The following SLC7A8 variants were observed in gnomAD, a reference collection of about 807,000 sequenced individuals.
SLC7A8 encodes solute carrier family 7 member 8, also known as large neutral amino acids transporter small subunit 2.
Under a neutral mutation model 51.2 loss-of-function variants are expected in SLC7A8, and 30 were observed. That is an observed-to-expected ratio of 0.59 (90% CI 0.44 to 0.80). The LOEUF (loss-of-function observed/expected upper bound fraction) is 0.80. SLC7A8 is among the 30% of genes least tolerant of loss of function. The pLI, the probability that SLC7A8 is intolerant of heterozygous loss-of-function variation, is 0.00. For synonymous variants in SLC7A8, 257 were observed against 275.8 expected, an observed-to-expected ratio of 0.93 and a Z score of 0.67; for missense variants, 612 against 674.4, an observed-to-expected ratio of 0.91 and a Z score of 1.03.
chr14:23,167,460 G>A (rs751637319), intron 1 of SLC7A8, among the ~76,000 whole-genome samples: 53 of 152,034 alleles, frequency 3.5e-4, no homozygotes, highest in African/African-American at 1.1e-3. Context: ...TACTTAATCC[G>A]GCAATCTTTC....
At chr14:23,182,255 G>C (rs1476742579) in intron 1 of SLC7A8, among the ~76,000 whole-genome samples, 1 of 152,124 alleles carries the variant, frequency 6.6e-6, no homozygotes, top group Admixed American at 6.5e-5. Context: ...TGCTGCATAA[G>C]GTGGAAAACG....
rs192799887 is a variant in SLC7A8, at chr14:23,126,547, G to C, written c.*630C>G. The C allele has an allele frequency of 6.7e-4, 103 of 153,184 alleles. No individual in the cohort carries two copies. Among genetic ancestry groups the C allele is most frequent in the Middle Eastern group, 3.3e-3 (1 of 300 alleles). 9.5% of individuals were successfully genotyped at this position (153,184 alleles called of 1,614,324 possible). ...ATATGTTCCTCAACCGCCTGGCTTGGGGGTGGAGAGGCTGTTCTTCTCCTT... is the reference window on the plus strand; with the variant it reads ...ATATGTTCCTCAACCGCCTGGCTTGCGGGTGGAGAGGCTGTTCTTCTCCTT... On this transcript the variant is annotated 3_prime_UTR_variant, in exon 11 of 11. Coordinates refer to ENST00000316902, the MANE Select transcript of SLC7A8 (RefSeq NM_012244.4).
chr14:23,161,337 C>T (rs1231638933), intron 3 of SLC7A8, among the ~76,000 whole-genome samples: 5 of 152,036 alleles, frequency 3.3e-5, no homozygotes, highest in Non-Finnish European at 7.4e-5. Flanking sequence ...GGGCCCTGTG[C>T]CCTGTCCTCC....
At chr14:23,160,197 C>A (rs2048914061) in intron 3 of SLC7A8, among the ~76,000 whole-genome samples, 2 of 152,188 alleles carry the variant, frequency 1.3e-5, no homozygotes. Context: ...GGACCCAGTG[C>A]TTCCTCTGGA....
chr14:23,131,412 C>T (rs772150109), intron 8 of SLC7A8, 49 bp downstream of exon 8: 15 of 1,452,434 alleles, frequency 1.0e-5, no homozygotes, highest in Admixed American at 2.2e-5. Flanking sequence ...TTAGACTAGG[C>T]ACAAAGAGAG....
At chr14:23,133,318 G>A (rs911184683) in intron 7 of SLC7A8, among the ~76,000 whole-genome samples, 1 of 150,008 alleles carries the variant, frequency 6.7e-6, no homozygotes, top group African/African-American at 2.5e-5. Flanking sequence ...GCATGTGCCT[G>A]TTGTTCTAAT....
In SLC7A8 at chr14:23,182,916, C is replaced by T. The variant is rs757301285; in HGVS notation, c.-2G>A. 3.7e-6 allele frequency: 6 copies of T among 1,613,976 alleles called. No individual in the cohort carries two copies. The African/African-American group carries it at 8.0e-5, about 22-fold the overall frequency. On this transcript the variant is annotated 5_prime_UTR_variant, in exon 1 of 11. Transcript: ENST00000316902. ...TCGGTGCCTGGCTCCTTCTTCCATC[C>T]TTCTCAGTAGGATTGCAACCTCAAA...
Position 23,128,223 on chromosome 14 carries a change from G to C in SLC7A8, c.1264-27C>G. ...TGTGGAGCAGAGGCATGAGGCGTAT[G>C]AACTGTGTAGGCCACGTGGCCCCCA... On this transcript the variant is annotated intron_variant, in intron 9 of 10. Transcript: ENST00000316902. The surrounding 1 kb of genome is among the most constrained non-coding windows in gnomAD (Gnocchi z 4.3). The C allele has an allele frequency of 6.2e-7, 1 of 1,613,140 alleles. No individual in the cohort carries two copies. Among genetic ancestry groups the C allele is most frequent in the African/African-American group, 1.3e-5 (1 of 75,036 alleles).
chr14:23,144,030 CTGTT>C, intron 3 of SLC7A8, among the ~76,000 whole-genome samples: 1 of 152,292 alleles, frequency 6.6e-6, no homozygotes, highest in African/African-American at 2.4e-5. Flanking sequence ...ATAAAGGTAT[CTGTT>C]TGTTTTTCCA....
At chr14:23,154,496 C>G in intron 3 of SLC7A8, 1 of 984,132 alleles carries the variant, frequency 1.0e-6, no homozygotes, top group Non-Finnish European at 1.2e-6. Flanking sequence ...GCCGCCTCCC[C>G]CGCTTGTGGA....
intron 9 of SLC7A8, 94 bp downstream of exon 9, chr14:23,129,556 G>A (rs1397817583): frequency 2.8e-6 from 4 of 1,410,282 alleles, no homozygotes; most frequent in Admixed American, 4.0e-5. Flanking sequence ...GATGACGTGT[G>A]GTCAGCAGCT....
intron 6 of SLC7A8, 60 bp downstream of exon 6, chr14:23,139,364 A>G (rs2048720248): frequency 7.5e-6 from 12 of 1,610,668 alleles, no homozygotes; most frequent in Non-Finnish European, 1.0e-5. Flanking sequence ...GAGTGGGGCT[A>G]CAGCAGGCAA....
At chr14:23,151,320 A>G (rs898433489) in intron 3 of SLC7A8, among the ~76,000 whole-genome samples, 2 of 152,212 alleles carry the variant, frequency 1.3e-5, no homozygotes, top group African/African-American at 4.8e-5. Context: ...CATAGAAGCC[A>G]CCGTGCTGCT....
intron 10 of SLC7A8, 57 bp from the exon 11 acceptor site, chr14:23,127,400 C>A: frequency 6.3e-7 from 1 of 1,588,820 alleles, no homozygotes; most frequent in Non-Finnish European, 8.6e-7. Flanking sequence ...ACCAACCTGG[C>A]CAAGTGGCCC....
intron 1 of SLC7A8, among the ~76,000 whole-genome samples, chr14:23,173,407 ACCAGC>A (rs1443881469): frequency 3.9e-5 from 6 of 152,156 alleles, no homozygotes; most frequent in Non-Finnish European, 7.4e-5. Flanking sequence ...AGGAAAAGCA[ACCAGC>A]TGGTTGCTAA....
At position 23,165,403 on chromosome 14, in the gene SLC7A8, G is replaced by A; in HGVS notation, c.390C>T (p.Ile130=). ...FLRLWIAVLV[I]YPTNQAVIAL... is the part of the protein sequence containing the mutation. ...CGATGACAGCCTGGTTGGTGGGGTA[G>A]ATCACCAGCACAGCAATCCACAGCC... The change falls in exon 3 of 11, where the codon ATC becomes ATT. Residue 130 remains isoleucine (I), a synonymous_variant. Coordinates refer to ENST00000316902, the MANE Select transcript of SLC7A8 (RefSeq NM_012244.4). This position sits in a 1 kb window ranked among gnomAD's most constrained non-coding sequence, Gnocchi z 4.2. 1 of 1,597,204 alleles carries A rather than the reference G, an allele frequency of 6.3e-7. No individual in the cohort carries two copies. The highest frequency in any genetic ancestry group is 1.4e-5 in the African/African-American group (1 of 73,718).
At chr14:23,148,453 C>T (rs2048818008) in intron 3 of SLC7A8, among the ~76,000 whole-genome samples, 1 of 152,142 alleles carries the variant, frequency 6.6e-6, no homozygotes. Flanking sequence ...GTCTCGAATT[C>T]CTGAACTCAG....
At chr14:23,145,242 C>T (rs559642015) in intron 3 of SLC7A8, among the ~76,000 whole-genome samples, 66 of 151,136 alleles carry the variant, frequency 4.4e-4, no homozygotes, top group Non-Finnish European at 7.2e-4. Flanking sequence ...AAATGACCTG[C>T]TTCTGGCCGG....
At chr14:23,160,589 G>A (rs1594835999) in intron 3 of SLC7A8, among the ~76,000 whole-genome samples, 1 of 114,140 alleles carries the variant, frequency 8.8e-6, no homozygotes. Context: ...AAAAAAAAAA[G>A]GGCACGCTGT....
Sources: gnomAD v4.1 joint callset for allele counts (sites outside exome capture counted in the v4.1 genomes callset) on GRCh38, gnomAD v4.1.1 for gene constraint, Gnocchi (gnomAD v3.1) non-coding constraint, MANE v1.5 for transcripts, NCBI Gene and HGNC (gene_info 2026-07-23, HGNC 2026-07-21) for gene names.